TENM3: variants seen among roughly 807,000 people sequenced by gnomAD.
TENM3 encodes the protein teneurin transmembrane protein 3, also known as teneurin-3.
Under a neutral mutation model 255.1 loss-of-function variants are expected in TENM3, and 63 were observed. That is an observed-to-expected ratio of 0.25 (90% confidence interval 0.20 to 0.30). The LOEUF is 0.30. Ranked by LOEUF, TENM3 falls within the 10% of genes least tolerant of loss-of-function variation. TENM3 has a pLI of 1.00. For missense variants in TENM3, 2,929 were observed against 3,461.1 expected, an observed-to-expected ratio of 0.85 and a Z score of 3.86; for synonymous variants, 1,306 against 1,322.3, an observed-to-expected ratio of 0.99 and a Z score of 0.27.
chr4:182,578,893 C>G, intron 3 of TENM3, among the ~76,000 whole-genome samples: 1 of 152,202 alleles, frequency 6.6e-6, no homozygotes, highest in Non-Finnish European at 1.5e-5. Flanking sequence ...AACTGTGCTT[C>G]TCTTCAAGGT....
the TENM3 span, among the ~76,000 whole-genome samples, chr4:181,614,694 C>T: frequency 2.0e-5 from 3 of 152,184 alleles, no homozygotes; most frequent in Non-Finnish European, 4.4e-5. Flanking sequence ...TCAAAATGCA[C>T]AGTAGATACC....
chr4:182,634,046 T>G (rs1386707273), intron 5 of TENM3, among the ~76,000 whole-genome samples: 1 of 152,130 alleles, frequency 6.6e-6, no homozygotes, highest in African/African-American at 2.4e-5. Flanking sequence ...TCCAGCAGGC[T>G]CTCAGGTGAT....
chr4:182,137,155 A>T, the TENM3 span, among the ~76,000 whole-genome samples: 1 of 152,216 alleles, frequency 6.6e-6, no homozygotes, highest in African/African-American at 2.4e-5. Flanking sequence ...CACTTTTGTC[A>T]CTCAAACTGC....
the TENM3 span, among the ~76,000 whole-genome samples, chr4:181,888,482 C>A: frequency 4.8e-5 from 4 of 83,790 alleles, no homozygotes; most frequent in African/African-American, 8.8e-5. Context: ...GAAACAAAAC[C>A]AATAGAAATG....
At chr4:182,005,023 A>G in the TENM3 span, among the ~76,000 whole-genome samples, 3 of 152,110 alleles carry the variant, frequency 2.0e-5, no homozygotes, top group Non-Finnish European at 2.9e-5. Flanking sequence ...TAGGTTGCCT[A>G]TTCACTCTGA....
chr4:181,590,950 AT>A, the TENM3 span, among the ~76,000 whole-genome samples: 1 of 152,186 alleles, frequency 6.6e-6, no homozygotes, highest in Non-Finnish European at 1.5e-5. Context: ...TGTCTAAAAC[AT>A]TTTTTGATAT....
the TENM3 span, among the ~76,000 whole-genome samples, chr4:181,712,587 G>A: frequency 1.3e-5 from 2 of 152,024 alleles, no homozygotes; most frequent in Non-Finnish European, 2.9e-5. Flanking sequence ...TTTCTATATA[G>A]CAATGAGAGA....
At chr4:181,465,932 T>C in the TENM3 span, among the ~76,000 whole-genome samples, 6 of 152,072 alleles carry the variant, frequency 3.9e-5, no homozygotes, top group Non-Finnish European at 8.8e-5. Flanking sequence ...AAATAACCTT[T>C]TCCCTTCTAA....
chr4:182,353,246 T>C (rs1765299209), intron 3 of TENM3, among the ~76,000 whole-genome samples: 1 of 152,202 alleles, frequency 6.6e-6, no homozygotes, highest in Admixed American at 6.5e-5. Flanking sequence ...AAAATGGAAT[T>C]CTGTTGCTGT....
intron 3 of TENM3, among the ~76,000 whole-genome samples, chr4:182,496,428 G>A (rs978520): frequency 0.21 from 31,734 of 151,992 alleles, 4,157 homozygotes; most frequent in African/African-American, 0.36. Flanking sequence ...AAACTGGAAC[G>A]GCATTTCCCT....
At chr4:182,520,577 A>G (rs760092799) in intron 3 of TENM3, among the ~76,000 whole-genome samples, 18 of 152,220 alleles carry the variant, frequency 1.2e-4, no homozygotes, top group Non-Finnish European at 2.5e-4. Context: ...AGAGTTTTGC[A>G]TTAAATTATT....
At position 182,250,590 on chromosome 4, in the gene TENM3, T is replaced by G. The variant is rs1045787936; in HGVS notation, c.-76+7114T>G. Among the ~76,000 whole-genome samples, 6 of 152,228 alleles carry G rather than the reference T, an allele frequency of 3.9e-5. No individual in the cohort carries two copies. The East Asian group carries it at 1.2e-3, about 29-fold the overall frequency. ...TGTTGGAGGGAAATCGCTAACGAAT[T>G]TGGTTCATGTTTGGACAGATCAGTG... On this transcript the variant is annotated intron_variant, in intron 1 of 27. Transcript: ENST00000511685.
chr4:182,103,373 C>A, the TENM3 span, among the ~76,000 whole-genome samples: 10 of 152,322 alleles, frequency 6.6e-5, no homozygotes, highest in African/African-American at 2.4e-4. Context: ...CCTGTAAGAT[C>A]TTAATAATTA....
At chr4:182,181,380 G>A (rs1207951136) in intron 1 of TENM3, among the ~76,000 whole-genome samples, 4 of 152,196 alleles carry the variant, frequency 2.6e-5, no homozygotes, top group African/African-American at 4.8e-5. Flanking sequence ...GGGCCCTCCC[G>A]TGGGAGGCTT....
the TENM3 span, among the ~76,000 whole-genome samples, chr4:182,069,023 A>G: frequency 1.3e-5 from 2 of 152,208 alleles, no homozygotes; most frequent in Non-Finnish European, 2.9e-5. Context: ...AAGCATAACA[A>G]AATGAAATAA....
the TENM3 span, among the ~76,000 whole-genome samples, chr4:181,557,962 C>G: frequency 2.0e-5 from 3 of 152,194 alleles, no homozygotes; most frequent in Admixed American, 6.5e-5. Context: ...TAAAGTGTTA[C>G]ATGTTCCTAT....
chr4:181,658,211 G>A, the TENM3 span, among the ~76,000 whole-genome samples: 4 of 152,150 alleles, frequency 2.6e-5, no homozygotes, highest in Non-Finnish European at 1.5e-5. Context: ...GAATGTTGTT[G>A]TGTTTAATCC....
chr4:181,868,889 A>G, the TENM3 span, among the ~76,000 whole-genome samples: 2 of 152,178 alleles, frequency 1.3e-5, no homozygotes, highest in East Asian at 3.8e-4. Flanking sequence ...AGGCCTTTCC[A>G]ACAGCCTCTT....
intron 4 of TENM3, among the ~76,000 whole-genome samples, chr4:182,622,407 T>A (rs1460429514): frequency 6.6e-6 from 1 of 152,184 alleles, no homozygotes; most frequent in Non-Finnish European, 1.5e-5. Flanking sequence ...ATTGGTGATC[T>A]CATGATCTAC....
Sources: gnomAD v4.1 joint callset for allele counts (sites outside exome capture counted in the v4.1 genomes callset) on GRCh38, gnomAD v4.1.1 for gene constraint, MANE v1.5 for transcripts, NCBI Gene and HGNC (gene_info 2026-07-23, HGNC 2026-07-21) for gene names.